The following DYNC1I2 variants were observed in gnomAD, a reference collection of about 807,000 sequenced individuals.
DYNC1I2 encodes dynein cytoplasmic 1 intermediate chain 2, also known as cytoplasmic dynein 1 intermediate chain 2.
A neutral mutation model predicts 88.6 loss-of-function variants in DYNC1I2; 53 were observed. The observed-to-expected ratio is 0.60, with a 90% confidence interval of 0.48 to 0.75. The LOEUF (loss-of-function observed/expected upper bound fraction) is 0.75. DYNC1I2 is among the 30% of genes least tolerant of loss of function. The pLI is 0.00. For missense variants in DYNC1I2, 458 were observed against 766.6 expected, an observed-to-expected ratio of 0.60 and a Z score of 4.75; for synonymous variants, 198 against 254.6, an observed-to-expected ratio of 0.78 and a Z score of 2.12.
intron 5 of DYNC1I2, among the ~76,000 whole-genome samples, chr2:171,710,122 T>TATACACAC (rs1358695266): frequency 3.5e-5 from 5 of 144,338 alleles, no homozygotes; most frequent in East Asian, 2.0e-4. Context: ...TATGTATATA[T>TATACACAC]ACACACACAC....
At chr2:171,718,594 C>T (rs374869431) in intron 7 of DYNC1I2, among the ~76,000 whole-genome samples, 20 of 152,074 alleles carry the variant, frequency 1.3e-4, no homozygotes, top group South Asian at 4.2e-4. Context: ...CCACCACGCC[C>T]GGCTAATTTT....
At chr2:171,737,855 T>C (rs994081685) in intron 15 of DYNC1I2, among the ~76,000 whole-genome samples, 2 of 152,170 alleles carry the variant, frequency 1.3e-5, no homozygotes, top group African/African-American at 4.8e-5. Flanking sequence ...AGGTTTGTTA[T>C]ATAGGTAAAA....
chr2:171,719,579 G>A (rs1230443036), intron 7 of DYNC1I2, among the ~76,000 whole-genome samples: 1 of 152,140 alleles, frequency 6.6e-6, no homozygotes, highest in African/African-American at 2.4e-5. Flanking sequence ...TTAAACTTCT[G>A]TAGGCAGTAA....
chr2:171,705,032 T>G (rs1686572029), intron 3 of DYNC1I2, among the ~76,000 whole-genome samples: 1 of 152,114 alleles, frequency 6.6e-6, no homozygotes. Context: ...AACCTATATT[T>G]GGGAGAAAGA....
At chr2:171,726,109 C>G in intron 9 of DYNC1I2, 28 bp downstream of exon 9, 1 of 1,559,604 alleles carries the variant, frequency 6.4e-7, no homozygotes, top group Non-Finnish European at 8.7e-7. Context: ...AGATTTTTAG[C>G]TTCAATAATG....
chr2:171,728,099 C>T, intron 12 of DYNC1I2, 132 bp downstream of exon 12: 3 of 1,156,770 alleles, frequency 2.6e-6, no homozygotes, highest in Non-Finnish European at 3.5e-6. Flanking sequence ...ATTTAGCAAC[C>T]AAGAATGAAG....
At chr2:171,724,013 A>T (rs931835176) in intron 7 of DYNC1I2, among the ~76,000 whole-genome samples, 4 of 152,178 alleles carry the variant, frequency 2.6e-5, no homozygotes, top group African/African-American at 9.7e-5. Context: ...AGGCCGTTGA[A>T]AGGAAAAATT....
intron 15 of DYNC1I2, among the ~76,000 whole-genome samples, chr2:171,733,090 G>A (rs1688737333): frequency 6.6e-6 from 1 of 152,120 alleles, no homozygotes; most frequent in African/African-American, 2.4e-5. Flanking sequence ...GAGAACATGT[G>A]GTATTTGGTT....
chr2:171,690,616 TATAAA>T (rs1216462756), intron 2 of DYNC1I2, among the ~76,000 whole-genome samples: 1 of 151,898 alleles, frequency 6.6e-6, no homozygotes, highest in East Asian at 1.9e-4. Context: ...ATATATTTAT[TATAAA>T]GTAAGGCGCA....
intron 4 of DYNC1I2, chr2:171,707,016 A>C: frequency 1.8e-6 from 1 of 542,930 alleles, no homozygotes; most frequent in East Asian, 3.2e-5. Context: ...ATGAAGATGC[A>C]TCCTTCCATA....
chr2:171,699,047 G>A (rs1686007142), intron 3 of DYNC1I2, among the ~76,000 whole-genome samples: 1 of 151,132 alleles, frequency 6.6e-6, no homozygotes, highest in South Asian at 2.1e-4. Flanking sequence ...GATGGCTCAC[G>A]CCTGTAATCC....
At chr2:171,689,272 A>G (rs1171770569) in intron 1 of DYNC1I2, among the ~76,000 whole-genome samples, 2 of 152,232 alleles carry the variant, frequency 1.3e-5, no homozygotes, top group African/African-American at 4.8e-5. Context: ...TAAAAGTGCC[A>G]TCAGAGGTAT....
intron 2 of DYNC1I2, among the ~76,000 whole-genome samples, chr2:171,690,958 G>T (rs1244027114): frequency 2.0e-5 from 3 of 152,002 alleles, no homozygotes; most frequent in Admixed American, 2.0e-4. Flanking sequence ...ACTCAGTCAA[G>T]ATGTCTATAT....
intron 7 of DYNC1I2, among the ~76,000 whole-genome samples, chr2:171,720,112 GT>G (rs979806978): frequency 2.0e-5 from 3 of 146,984 alleles, no homozygotes; most frequent in African/African-American, 7.6e-5. Flanking sequence ...TAATCAGCTT[GT>G]TTACTCTGAG....
intron 6 of DYNC1I2, among the ~76,000 whole-genome samples, chr2:171,713,543 T>G (rs193045165): frequency 6.6e-6 from 1 of 152,046 alleles, no homozygotes; most frequent in African/African-American, 2.4e-5. Flanking sequence ...CTTTTAGAAG[T>G]TAGTGTTGTA....
chr2:171,733,114 T>C lies in DYNC1I2; in HGVS notation c.1536+3261T>C, dbSNP rs142060966. ...TGGTATTTGGTTTTCTGTTCCTGCA[T>C]TGGTTTGCTAAGGATAATGGCCTCC... On this transcript the variant is annotated intron_variant, in intron 15 of 17. Coordinates refer to ENST00000397119, the MANE Select transcript of DYNC1I2 (RefSeq NM_001378.3). 7.9e-5 allele frequency among the ~76,000 whole-genome samples: 12 copies of C among 152,312 alleles called. No individual in the cohort carries two copies. The East Asian group carries it at 2.3e-3, about 29-fold the overall frequency.
At position 171,725,902 on chromosome 2, in the gene DYNC1I2, AATT is replaced by A; in HGVS notation, c.608-13_608-11del. On this transcript the variant is annotated splice_polypyrimidine_tract_variant and intron_variant, in intron 8 of 17. Transcript: ENST00000397119. ...GCCTGACATAAATCATACTTCAAAA[AATT>A]ATTTATTTTCCAGCTCCCCCTCATG... The A allele has an allele frequency of 1.3e-6, 2 of 1,556,560 alleles. No individual in the cohort carries two copies. The highest frequency in any genetic ancestry group is 2.5e-5 in the South Asian group (2 of 80,286).
Position 171,729,702 on chromosome 2 carries a change from A to G in DYNC1I2, c.1392-7A>G, listed in dbSNP as rs773979818. The stretch of plus-strand genomic sequence containing the variant: ...CTTCTCTAACATTTTCACTTTTATG[A>G]AATTAGCAAAGCTGGAATCAGTGAG... On this transcript the variant is annotated splice_polypyrimidine_tract_variant and splice_region_variant and intron_variant, in intron 14 of 17. Coordinates refer to ENST00000397119, the MANE Select transcript of DYNC1I2 (RefSeq NM_001378.3). 2.5e-6 allele frequency: 4 copies of G among 1,611,928 alleles called. No individual in the cohort carries two copies. Among genetic ancestry groups the G allele is most frequent in the Non-Finnish European group, 3.4e-6 (4 of 1,179,658 alleles).
Position 171,728,573 on chromosome 2 carries a change from A to G in DYNC1I2, c.1258-144A>G, listed in dbSNP as rs1041384022. The G allele has an allele frequency of 4.7e-6, 4 of 857,954 alleles. No individual in the cohort carries two copies. In the African/African-American group the frequency reaches 7.0e-5, roughly 15 times the overall value. The allele number at this position is 857,954 out of a possible 1,614,324, so 53.1% of individuals were successfully genotyped here. A position where few individuals can be genotyped will look rare whatever the true frequency, so the allele number is the denominator to read the frequency against. ...TAATATAAGTTTGTTTCATATATAT[A>G]TATTTTACTTTGAAACCTGCTTCAT... On this transcript the variant is annotated intron_variant, in intron 13 of 17. Transcript: ENST00000397119.
Sources: allele counts gnomAD v4.1 joint callset (sites outside exome capture counted in the v4.1 genomes callset), GRCh38; gene constraint gnomAD v4.1.1; transcripts MANE v1.5; gene names NCBI Gene and HGNC (gene_info 2026-07-23, HGNC 2026-07-21).